NCOA3: variants seen among roughly 807,000 people sequenced by gnomAD.
NCOA3 encodes CBP-interacting protein.
Under a neutral mutation model 158.8 loss-of-function variants are expected in NCOA3, and 51 were observed. The ratio of observed to expected loss-of-function variants is 0.32; its 90% CI spans 0.26 to 0.41. The LOEUF is 0.41. Ranked by LOEUF, NCOA3 falls within the 10% of genes least tolerant of loss-of-function variation. The pLI is 1.00. For synonymous variants in NCOA3, 537 were observed against 592.4 expected (o/e 0.91, Z 1.36); for missense variants, 1,510 against 1,746.6 (o/e 0.86, Z 2.41).
chr20:47,641,635 G>A (rs623953), intron 16 of NCOA3, among the ~76,000 whole-genome samples: 84,350 of 150,260 alleles, frequency 0.56, 24,025 homozygotes, highest in Middle Eastern at 0.7. Flanking sequence ...ACTAGCTGGG[G>A]CTACAGGCGC....
At chr20:47,506,795 T>G (rs985127147) in intron 1 of NCOA3, among the ~76,000 whole-genome samples, 1 of 152,224 alleles carries the variant, frequency 6.6e-6, no homozygotes, top group African/African-American at 2.4e-5. Flanking sequence ...CTGTTAATTT[T>G]TTTATTGATA....
At chr20:47,516,125 T>C (rs963028006) in intron 1 of NCOA3, among the ~76,000 whole-genome samples, 3 of 152,184 alleles carry the variant, frequency 2.0e-5, no homozygotes, top group African/African-American at 7.2e-5. Flanking sequence ...CATGTTGTTA[T>C]AAATTGTTCC....
intron 1 of NCOA3, among the ~76,000 whole-genome samples, chr20:47,556,616 G>A (rs2085011828): frequency 6.6e-6 from 1 of 152,042 alleles, no homozygotes; most frequent in African/African-American, 2.4e-5. Flanking sequence ...TCCGCCTCCT[G>A]GGTGCAAGTG....
intron 2 of NCOA3, among the ~76,000 whole-genome samples, chr20:47,603,041 T>G (rs2085887502): frequency 6.6e-6 from 1 of 152,240 alleles, no homozygotes; most frequent in Non-Finnish European, 1.5e-5. Context: ...CCCAAATGCC[T>G]TTCCTAATAA....
intron 1 of NCOA3, among the ~76,000 whole-genome samples, chr20:47,510,547 CT>C (rs1468395203): frequency 6.6e-6 from 1 of 151,936 alleles, no homozygotes; most frequent in Non-Finnish European, 1.5e-5. Flanking sequence ...TTCAGTTTCC[CT>C]TTTCTTTCCC....
intron 2 of NCOA3, among the ~76,000 whole-genome samples, chr20:47,586,604 G>A (rs1489996885): frequency 6.6e-6 from 1 of 152,118 alleles, no homozygotes; most frequent in Non-Finnish European, 1.5e-5. Context: ...TATGCTTCCT[G>A]TATAGACTAC....
At chr20:47,586,183 T>A (rs1320764231) in intron 2 of NCOA3, among the ~76,000 whole-genome samples, 1 of 152,170 alleles carries the variant, frequency 6.6e-6, no homozygotes, top group East Asian at 1.9e-4. Context: ...CCTCCCAAAG[T>A]GCTGGGGTTA....
intron 6 of NCOA3, 128 bp from the exon 7 acceptor site, chr20:47,627,433 C>G: frequency 1.3e-6 from 1 of 771,556 alleles, no homozygotes; most frequent in Non-Finnish European, 2.1e-6. Context: ...TATTGCCAGC[C>G]TGAAATGTTA....
At chr20:47,637,514 G>T in intron 12 of NCOA3, 134 bp from the exon 13 acceptor site, 1 of 594,544 alleles carries the variant, frequency 1.7e-6, no homozygotes. Flanking sequence ...TGGCCTTTCA[G>T]GTGGGTATTA....
At chr20:47,639,489 G>C (rs1277876882) in intron 14 of NCOA3, 88 bp from the exon 15 acceptor site, 1 of 1,515,576 alleles carries the variant, frequency 6.6e-7, no homozygotes, top group Non-Finnish European at 8.9e-7. Context: ...TGTCAAGGTT[G>C]ATGTTGTGTA....
chr20:47,527,572 G>A (rs1038113081), intron 1 of NCOA3, among the ~76,000 whole-genome samples: 7 of 152,238 alleles, frequency 4.6e-5, no homozygotes, highest in Admixed American at 1.3e-4. Flanking sequence ...GAATAGAGCC[G>A]CTGTGAACAT....
At chr20:47,610,686 G>A (rs1305913312) in intron 2 of NCOA3, among the ~76,000 whole-genome samples, 1 of 152,194 alleles carries the variant, frequency 6.6e-6, no homozygotes, top group East Asian at 1.9e-4. Context: ...GCCGTGTCGT[G>A]TTGCTAGAGT....
intron 1 of NCOA3, among the ~76,000 whole-genome samples, chr20:47,547,465 T>C (rs2084851027): frequency 1.3e-5 from 2 of 151,880 alleles, no homozygotes; most frequent in African/African-American, 2.4e-5. Flanking sequence ...CAGGCTAGAG[T>C]GCAGTGGTGC....
At chr20:47,571,004 A>ATG (rs2085286442) in intron 1 of NCOA3, among the ~76,000 whole-genome samples, 1 of 98,742 alleles carries the variant, frequency 1.0e-5, no homozygotes, top group African/African-American at 3.5e-5. Context: ...GTGTGTGTGT[A>ATG]TATACATTTT....
chr20:47,628,409 CT>C (rs72374784), intron 8 of NCOA3: 2,287 of 139,090 alleles, frequency 0.016, 22 homozygotes, highest in African/African-American at 0.039. Context: ...GGAGTAATTC[CT>C]TTTTTTTTTT....
chr20:47,594,305 C>T (rs2085706333), intron 2 of NCOA3, among the ~76,000 whole-genome samples: 1 of 152,122 alleles, frequency 6.6e-6, no homozygotes, highest in South Asian at 2.1e-4. Flanking sequence ...ATTACGGAAC[C>T]TTTTAGTTAC....
intron 2 of NCOA3, among the ~76,000 whole-genome samples, chr20:47,611,932 C>G (rs1053336557): frequency 6.6e-6 from 1 of 152,148 alleles, no homozygotes; most frequent in South Asian, 2.1e-4. Context: ...TCAGGTGATA[C>G]CCCCACCTCA....
intron 9 of NCOA3, 64 bp from the exon 10 acceptor site, chr20:47,633,984 C>G: frequency 2.0e-5 from 31 of 1,549,412 alleles, no homozygotes; most frequent in African/African-American, 2.7e-5. Context: ...TCCTCCCTGT[C>G]CCCTCCTATA....
intron 1 of NCOA3, among the ~76,000 whole-genome samples, chr20:47,520,771 C>G (rs989482345): frequency 1.3e-5 from 2 of 152,296 alleles, no homozygotes; most frequent in African/African-American, 4.8e-5. Context: ...TCTGAAGGTC[C>G]TTTGCGCTCA....
Sources: gnomAD v4.1 joint callset for allele counts (sites outside exome capture counted in the v4.1 genomes callset) on GRCh38, gnomAD v4.1.1 for gene constraint, MANE v1.5 for transcripts, NCBI Gene and HGNC (gene_info 2026-07-23, HGNC 2026-07-21) for gene names.